ANKK1: variants seen among roughly 807,000 people sequenced by gnomAD.
ANKK1 encodes the protein ankyrin repeat and kinase domain containing 1.
A neutral mutation model predicts 37.6 loss-of-function variants in ANKK1; 37 were observed. The observed-to-expected ratio is 0.98, with a 90% CI of 0.76 to 1.29. ANKK1 has a LOEUF of 1.29. Among genes scored for constraint, ANKK1 ranks in the 50% most tolerant of loss-of-function variants. The pLI, the probability that ANKK1 is intolerant of heterozygous loss-of-function variation, is 0.00. For synonymous variants in ANKK1, 415 were observed against 418.7 expected (o/e 0.99, Z 0.11); for missense variants, 1,019 against 990.6 (o/e 1.03, Z -0.39).
Position 113,397,252 on chromosome 11 carries a change from G to T in ANKK1, c.867G>T (p.Leu289=), listed in dbSNP as rs749895054. The change falls in exon 6 of 8, where the codon CTG becomes CTT. Residue 289 remains leucine, a synonymous_variant. Transcript: ENST00000303941. The part of the protein sequence containing the change: ...LDITIETDIL[L]SLLQSRVAVP... ...TTACCATCGAGACAGACATACTGCT[G>T]TCACTGCTGCAGAGTCGTGTGGCAG... The T allele has an allele frequency of 2.5e-6, 4 of 1,610,738 alleles. No homozygotes were observed. Among genetic ancestry groups the T allele is most frequent in the Non-Finnish European group, 3.4e-6 (4 of 1,179,860 alleles).
chr11:113,397,887 C>T lies in ANKK1; in HGVS notation c.958-93C>T, dbSNP rs536353851. On this transcript the variant is annotated intron_variant, in intron 6 of 7. Coordinates refer to ENST00000303941, the MANE Select transcript of ANKK1 (RefSeq NM_178510.2). ...GTGGGATGTGAGTCCTGACAGTGAC[C>T]GGGAAGGTTGGAGAGAGGGAAGGAG... 1.5e-4 allele frequency: 206 copies of T among 1,392,888 alleles called. No homozygotes were observed. In the African/African-American group the frequency reaches 1.6e-3, roughly 11 times the overall value. The allele number at this position is 1,392,888 out of a possible 1,614,324, so 86.3% of individuals were successfully genotyped here.
chr11:113,393,089 A>G (rs1186465280), intron 1 of ANKK1, among the ~76,000 whole-genome samples: 3 of 152,154 alleles, frequency 2.0e-5, no homozygotes. Context: ...CATAATTTAA[A>G]TGGTAATAAA....
In ANKK1 at chr11:113,399,969, T is replaced by A. The variant is rs903941492; in HGVS notation, c.2000T>A (p.Val667Asp). 1.2e-6 allele frequency: 2 copies of A among 1,613,380 alleles called. No individual in the cohort carries two copies. Among genetic ancestry groups the A allele is most frequent in the Admixed American group, 1.7e-5 (1 of 60,002 alleles). ...QSGWTPLHLA[V>D]QRSTFLSVIN... is the part of the protein sequence containing the mutation. ...GGCTGGACACCCCTCCACCTGGCGG[T>A]CCAGAGGAGCACCTTCCTGAGTGTC... Residue 667 changes from valine to aspartate, a missense_variant, in exon 8 of 8, where the codon GTC becomes GAC. By Grantham distance (152) the Val-to-Asp change is radical (BLOSUM62 -3). Transcript: ENST00000303941.
chr11:113,400,164 C>T lies in ANKK1; in HGVS notation c.2195C>T (p.Ala732Val), dbSNP rs748104280. 6.3e-7 allele frequency: 1 copy of T among 1,588,896 alleles called. No individual in the cohort carries two copies. The highest frequency in any genetic ancestry group is 2.3e-5 in the East Asian group (1 of 43,314). ...DGVSCTPLQL[A>V]LRSRKQGIMS... The stretch of plus-strand genomic sequence containing the variant: ...GTGAGCTGCACACCCCTGCAACTGG[C>T]CCTCCGCAGCCGAAAGCAGGGCATC... The change falls in exon 8 of 8, where the codon GCC (alanine) becomes GTC (valine). Residue 732 changes from alanine to valine, a missense_variant. Coordinates refer to ENST00000303941, the MANE Select transcript of ANKK1 (RefSeq NM_178510.2).
In ANKK1 at chr11:113,399,565, C is replaced by A; in HGVS notation, c.1596C>A (p.His532Gln). The change falls in exon 8 of 8, where the codon CAC (histidine) becomes CAA (glutamine). Residue 532 changes from histidine (H) to glutamine (Q), a missense_variant. His to Gln is a conservative substitution (Grantham distance 24). Coordinates refer to ENST00000303941, the MANE Select transcript of ANKK1 (RefSeq NM_178510.2). Reference sequence around the variant, plus strand: ...AGAGAAACCTGAGAACACCACTGCACCTGGCAGTAGAGCGGGGCAAAGTGA... The same window carrying A: ...AGAGAAACCTGAGAACACCACTGCAACTGGCAGTAGAGCGGGGCAAAGTGA... ...AQQRNLRTPL[H>Q]LAVERGKVRA... The A allele has an allele frequency of 6.2e-7, 1 of 1,603,700 alleles. No individual in the cohort carries two copies.
chr11:113,397,631 G>A (rs989126153), intron 6 of ANKK1, among the ~76,000 whole-genome samples: 1 of 152,206 alleles, frequency 6.6e-6, no homozygotes, highest in Non-Finnish European at 1.5e-5. Flanking sequence ...CATGCTGTGG[G>A]TGTCAACATC....
chr11:113,391,041 T>A (rs1047725136), intron 1 of ANKK1, among the ~76,000 whole-genome samples: 3 of 152,216 alleles, frequency 2.0e-5, no homozygotes, highest in Middle Eastern at 3.2e-3. Flanking sequence ...GTTGCTTTTT[T>A]ATGTAGACTT....
intron 2 of ANKK1, among the ~76,000 whole-genome samples, chr11:113,394,574 G>A (rs1380693316): frequency 6.6e-6 from 1 of 152,198 alleles, no homozygotes; most frequent in African/African-American, 2.4e-5. Flanking sequence ...ATAGCTTACC[G>A]AAGGTGGCAA....
chr11:113,396,061 T>C lies in ANKK1; in HGVS notation c.683-6T>C. The C allele has an allele frequency of 6.2e-7, 1 of 1,613,822 alleles. No homozygotes were observed. Among genetic ancestry groups the C allele is most frequent in the Non-Finnish European group, 8.5e-7 (1 of 1,179,774 alleles). ...GCACCCACATAGCCTGAGCCTCCCT[T>C]TGCAGGGTTCAACATGATGATGATT... is the stretch of plus-strand genomic sequence containing the variant. On this transcript the variant is annotated splice_region_variant and splice_polypyrimidine_tract_variant and intron_variant, in intron 4 of 7. Transcript: ENST00000303941.
chr11:113,388,041 GC>G lies in ANKK1; in HGVS notation c.162del (p.Cys55AlafsTer11). 1 of 1,531,650 alleles carries G rather than the reference GC, an allele frequency of 6.5e-7. No individual in the cohort carries two copies. The highest frequency in any genetic ancestry group is 8.8e-7 in the Non-Finnish European group (1 of 1,137,846). 94.9% of individuals were successfully genotyped at this position (1,531,650 alleles called of 1,614,324 possible). On this transcript the variant is annotated frameshift_variant, in exon 1 of 8. Coordinates refer to ENST00000303941, the MANE Select transcript of ANKK1 (RefSeq NM_178510.2). LOFTEE classifies it high-confidence loss of function. ...RWRTEYAIKC[A>X]PCLPPDAASS... ...GCGGACGGAGTACGCCATCAAGTGC[GC>G]CCCCTGCCTTCCACCCGACGCCGCC... is the stretch of plus-strand genomic sequence containing the variant.
At chr11:113,396,666 G>T (rs1163107085) in intron 5 of ANKK1, among the ~76,000 whole-genome samples, 2 of 152,170 alleles carry the variant, frequency 1.3e-5, no homozygotes, top group Non-Finnish European at 2.9e-5. Flanking sequence ...GGCAGGATCT[G>T]CATCACGGGG....
intron 1 of ANKK1, among the ~76,000 whole-genome samples, chr11:113,390,478 C>G (rs1415889514): frequency 6.6e-6 from 1 of 152,208 alleles, no homozygotes; most frequent in Non-Finnish European, 1.5e-5. Context: ...GTGGCTCACG[C>G]TTGTAATCCC....
At chr11:113,388,942 C>G (rs1414253818) in intron 1 of ANKK1, among the ~76,000 whole-genome samples, 2 of 152,148 alleles carry the variant, frequency 1.3e-5, no homozygotes, top group Non-Finnish European at 2.9e-5. Flanking sequence ...ACGGGGGTCT[C>G]TCTGACTGGC....
In ANKK1 at chr11:113,399,513, G is replaced by T. The variant is rs1950675271; in HGVS notation, c.1544G>T (p.Ser515Ile). 3.1e-6 allele frequency: 5 copies of T among 1,594,380 alleles called. No individual in the cohort carries two copies. In the Admixed American group the frequency reaches 7.0e-5, roughly 22 times the overall value. ...GHVSLVKLLT[S>I]QGAELDAQQR... ...GTTAGCCTGGTCAAGCTGCTGACCA[G>T]CCAGGGGGCTGAGTTGGATGCTCAG... Residue 515 changes from serine (S) to isoleucine (I), a missense_variant, in exon 8 of 8, where the codon AGC becomes ATC. Transcript: ENST00000303941.
rs1200121738 is a variant in ANKK1 at position 113,397,076 on chromosome 11, T to C, written c.839-148T>C. The C allele has an allele frequency of 6.0e-6, 4 of 662,960 alleles. No individual in the cohort carries two copies. In the East Asian group the frequency reaches 8.3e-5, roughly 14 times the overall value. The allele number at this position is 662,960 out of a possible 1,614,324, so 41.1% of individuals were successfully genotyped here. ...TGAAGGTGCCCCACCATGACCCAGG[T>C]TTCCTGCCTTCTCGTGCATTTATAT... On this transcript the variant is annotated intron_variant, in intron 5 of 7. Transcript: ENST00000303941.
At position 113,397,234 on chromosome 11, in the gene ANKK1, C is replaced by T. The variant is rs1351927140; in HGVS notation, c.849C>T (p.Ile283=). ...CCACTCATGGAGCAGACATTACCATCGAGACAGACATACTGCTGTCACTGC... is the reference window on the plus strand; with the variant it reads ...CCACTCATGGAGCAGACATTACCATTGAGACAGACATACTGCTGTCACTGC... ...KKRPCFLDIT[I]ETDILLSLLQ... is the part of the protein sequence containing the mutation. The change falls in exon 6 of 8, where the codon ATC becomes ATT. Residue 283 remains isoleucine (I), a synonymous_variant. Transcript: ENST00000303941. 2.5e-5 allele frequency: 40 copies of T among 1,608,300 alleles called. No individual in the cohort carries two copies. The highest frequency in any genetic ancestry group is 2.5e-4 in the East Asian group (11 of 44,878).
rs780019234 is a variant in ANKK1 at position 113,399,874 on chromosome 11, C to T, written c.1905C>T (p.Arg635=). The T allele has an allele frequency of 4.2e-5, 67 of 1,613,172 alleles. No homozygotes were observed. The highest frequency in any genetic ancestry group is 5.3e-5 in the Non-Finnish European group (63 of 1,179,766). ...VNWTPLHLAA[R]HGEEAVVSAL... ...GGACTCCCCTGCACCTAGCTGCACG[C>T]CACGGGGAGGAGGCGGTGGTGTCAG... is the stretch of plus-strand genomic sequence containing the variant. The change falls in exon 8 of 8, where the codon CGC becomes CGT. Residue 635 remains arginine (R), a synonymous_variant. Coordinates refer to ENST00000303941, the MANE Select transcript of ANKK1 (RefSeq NM_178510.2).
chr11:113,395,439 G>C, intron 4 of ANKK1, 31 bp downstream of exon 4: 1 of 1,612,316 alleles, frequency 6.2e-7, no homozygotes, highest in African/African-American at 1.3e-5. Context: ...CTGTGTTGGG[G>C]GCAGGAGGAC....
At position 113,400,147 on chromosome 11, in the gene ANKK1, C is replaced by T. The variant is rs760087338; in HGVS notation, c.2178C>T (p.Cys726=). The change falls in exon 8 of 8, where the codon TGC becomes TGT. Residue 726 remains cysteine (C), a synonymous_variant. Transcript: ENST00000303941. ...TGGACGTCCAGGATGGAGTGAGCTG[C>T]ACACCCCTGCAACTGGCCCTCCGCA... ...AQLDVQDGVS[C]TPLQLALRSR... 18 of 1,604,532 alleles carry T rather than the reference C, an allele frequency of 1.1e-5. No homozygotes were observed. Among genetic ancestry groups the T allele is most frequent in the Admixed American group, 1.7e-5 (1 of 58,450 alleles).
Sources: gnomAD v4.1 joint callset for allele counts (sites outside exome capture counted in the v4.1 genomes callset) on GRCh38, gnomAD v4.1.1 for gene constraint, MANE v1.5 for transcripts, NCBI Gene and HGNC (gene_info 2026-07-23, HGNC 2026-07-21) for gene names.